Variants in FLACC1 observed in about 807,000 individuals in gnomAD.
The protein encoded by FLACC1 is flagellum-associated coiled-coil domain-containing protein 1.
Under a neutral mutation model 62.8 loss-of-function variants are expected in FLACC1, and 66 were observed. The ratio of observed to expected loss-of-function variants is 1.05; its 90% confidence interval spans 0.86 to 1.29. FLACC1 has a LOEUF of 1.29. Ranked by LOEUF, FLACC1 falls within the 50% of genes most tolerant of loss-of-function variation. The probability of loss-of-function intolerance (pLI) is 0.00; values close to 1 mark genes in which losing one functional copy is unlikely to be tolerated. For synonymous variants in FLACC1, 156 were observed against 161.0 expected (o/e 0.97, Z 0.24); for missense variants, 452 against 489.1 (o/e 0.92, Z 0.71).
chr2:201,362,329 AC>A (rs1156400446), upstream of FLACC1, among the ~76,000 whole-genome samples: 1 of 152,060 alleles, frequency 6.6e-6, no homozygotes, highest in African/African-American at 2.4e-5. Context: ...TTTTAAAAAA[AC>A]AGTTTCTTTT....
At chr2:201,304,828 G>T (rs1055873791) in intron 11 of FLACC1, among the ~76,000 whole-genome samples, 10 of 152,156 alleles carry the variant, frequency 6.6e-5, no homozygotes, top group Middle Eastern at 3.2e-3. Flanking sequence ...AACAAGAAAT[G>T]GGGAAAGTAC....
intron 6 of FLACC1, among the ~76,000 whole-genome samples, chr2:201,343,247 ATG>A (rs1159944853): frequency 6.6e-6 from 1 of 152,174 alleles, no homozygotes; most frequent in African/African-American, 2.4e-5. Context: ...GTCTCTAAAT[ATG>A]TCTTCAGCAG....
rs1951022189 is a variant in FLACC1 at position 201,351,283 on chromosome 2, A to T, written c.113+9T>A. The T allele has an allele frequency of 1.3e-6, 2 of 1,597,322 alleles. No individual in the cohort carries two copies. The highest frequency in any genetic ancestry group is 1.1e-5 in the South Asian group (1 of 90,684). On this transcript the variant is annotated intron_variant, in intron 2 of 14. Coordinates refer to ENST00000392257, the MANE Select transcript of FLACC1 (RefSeq NM_001127391.3). The stretch of plus-strand genomic sequence containing the variant: ...TCCCTGTGCCTACCCCATCCCAGAT[A>T]ATTCTTACTTGGAACTCCCTGTGGA...
chr2:201,319,698 G>C (rs1950367426), intron 9 of FLACC1, among the ~76,000 whole-genome samples: 1 of 152,190 alleles, frequency 6.6e-6, no homozygotes, highest in African/African-American at 2.4e-5. Flanking sequence ...GTGGGCAAAA[G>C]ACATGAACAG....
At chr2:201,307,651 T>A in intron 10 of FLACC1, 29 bp from the exon 11 acceptor site, 1 of 1,486,014 alleles carries the variant, frequency 6.7e-7, no homozygotes, top group Non-Finnish European at 9.4e-7. Flanking sequence ...AGCACATATA[T>A]GTGTAAAGAT....
intron 11 of FLACC1, 65 bp from the exon 12 acceptor site, chr2:201,299,365 G>A (rs377614873): frequency 5.3e-6 from 7 of 1,321,512 alleles, no homozygotes; most frequent in Admixed American, 1.8e-5. Context: ...AGGGAGTTAA[G>A]AAAGCCAGAC....
In FLACC1 at chr2:201,288,661, T is replaced by G; in HGVS notation, c.1263A>C (p.Glu421Asp). 1 of 1,613,834 alleles carries G rather than the reference T, an allele frequency of 6.2e-7. No individual in the cohort carries two copies. The highest frequency in any genetic ancestry group is 8.5e-7 in the Non-Finnish European group (1 of 1,179,862). ...ATGCAGAGCAACTTTTTGTTTATGATTCTTGTCCTTTCTTGCTACCATCTT... is the reference window on the plus strand; with the variant it reads ...ATGCAGAGCAACTTTTTGTTTATGAGTCTTGTCCTTTCTTGCTACCATCTT... ...TVQDGSKKGQ[E>D]S Residue 421 changes from glutamate to aspartate, a missense_variant, in exon 15 of 15, where the codon GAA (glutamate) becomes GAC (aspartate). Physicochemically the swap from Glu to Asp is conservative, Grantham distance 45. This residue lies in a region of FLACC1 where 301 missense variants were observed against 318.4 expected (regional missense o/e 0.95). Coordinates refer to ENST00000392257, the MANE Select transcript of FLACC1 (RefSeq NM_001127391.3).
At chr2:201,309,083 C>A in intron 10 of FLACC1, 68 bp downstream of exon 10, 1 of 1,405,774 alleles carries the variant, frequency 7.1e-7, no homozygotes, top group South Asian at 1.2e-5. Context: ...TTCCTCAAGT[C>A]AAGACCAAAC....
At chr2:201,313,323 A>C (rs924775293) in intron 9 of FLACC1, among the ~76,000 whole-genome samples, 5 of 152,168 alleles carry the variant, frequency 3.3e-5, no homozygotes, top group Middle Eastern at 3.2e-3. Context: ...GCAAGTTCTC[A>C]GTCCTGTTTG....
At chr2:201,317,333 T>C (rs559022931) in intron 9 of FLACC1, among the ~76,000 whole-genome samples, 24 of 152,280 alleles carry the variant, frequency 1.6e-4, no homozygotes, top group South Asian at 4.1e-4. Context: ...CTAGAACTGA[T>C]AAAAGAATTC....
intron 3 of FLACC1, among the ~76,000 whole-genome samples, chr2:201,348,626 C>T (rs1950964707): frequency 6.6e-6 from 1 of 151,944 alleles, no homozygotes; most frequent in South Asian, 2.1e-4. Context: ...CAGGTGACAC[C>T]CCCCACCACC....
chr2:201,295,886 T>C, intron 12 of FLACC1, among the ~76,000 whole-genome samples: 1 of 152,176 alleles, frequency 6.6e-6, no homozygotes, highest in East Asian at 1.9e-4. Context: ...AGAAGACATT[T>C]ATGCAGCCAA....
intron 10 of FLACC1, 144 bp downstream of exon 10, chr2:201,309,007 C>T (rs1225167205): frequency 4.3e-6 from 3 of 694,036 alleles, no homozygotes; most frequent in Admixed American, 4.9e-5. Flanking sequence ...TTCATGAAAA[C>T]TCTGGGCACC....
Position 201,346,591 on chromosome 2 carries a change from T to G in FLACC1, c.319A>C (p.Arg107=). The change falls in exon 5 of 15, where the codon AGG becomes CGG. Residue 107 remains arginine, a synonymous_variant. Coordinates refer to ENST00000392257, the MANE Select transcript of FLACC1 (RefSeq NM_001127391.3). The surrounding 1 kb of genome is among the most constrained non-coding windows in gnomAD (Gnocchi z 4.0). ...ATCTCCGATTCCCACCGCTTTTTCCTATCAAACATCTCATCCCCTAAGGTG... is the reference window on the plus strand; with the variant it reads ...ATCTCCGATTCCCACCGCTTTTTCCGATCAAACATCTCATCCCCTAAGGTG... The part of the protein sequence containing the change: ...SVTLGDEMFD[R]KKRWESEIPD... 1 of 1,614,214 alleles carries G rather than the reference T, an allele frequency of 6.2e-7. No homozygotes were observed.
intron 12 of FLACC1, among the ~76,000 whole-genome samples, chr2:201,298,042 A>T (rs1185221253): frequency 6.6e-6 from 1 of 152,170 alleles, no homozygotes; most frequent in Admixed American, 6.6e-5. Context: ...GGAGTGATGT[A>T]GGGAAGAAAT....
In FLACC1 at chr2:201,330,357, T is replaced by G. The variant is rs1950567934; in HGVS notation, c.675+113A>C. The G allele has an allele frequency of 8.5e-6, 9 of 1,062,538 alleles. No individual in the cohort carries two copies. The South Asian group carries it at 1.0e-4, about 12-fold the overall frequency. The allele number at this position is 1,062,538 out of a possible 1,614,324, so 65.8% of individuals were successfully genotyped here. On this transcript the variant is annotated intron_variant, in intron 9 of 14. Coordinates refer to ENST00000392257, the MANE Select transcript of FLACC1 (RefSeq NM_001127391.3). The stretch of plus-strand genomic sequence containing the variant: ...AGCTAGTGCCACTTAGGTCTAAGGA[T>G]GCTGGGAATCTCAGGACATTATTTT...
intron 1 of FLACC1, 53 bp from the exon 2 acceptor site, chr2:201,351,504 A>C (rs1046118538): frequency 5.8e-6 from 5 of 855,524 alleles, no homozygotes; most frequent in Non-Finnish European, 9.3e-6. Flanking sequence ...TCAAAGCAAA[A>C]ATACAGAAGA....
chr2:201,344,196 T>G lies in FLACC1; in HGVS notation c.436A>C (p.Arg146=), dbSNP rs1331114178. The change falls in exon 6 of 15, where the codon AGA becomes CGA. Residue 146 remains arginine (R), a synonymous_variant. Transcript: ENST00000392257. ...AATTTCTGGGCAGACTGGTGGTCTC[T>G]GTTCATTTGTTCAATTATTGCTGTC... is the stretch of plus-strand genomic sequence containing the variant. ...ELTAIIEQMN[R]DHQSAQKLLS... 1 of 1,613,648 alleles carries G rather than the reference T, an allele frequency of 6.2e-7. No individual in the cohort carries two copies. The highest frequency in any genetic ancestry group is 8.5e-7 in the Non-Finnish European group (1 of 1,179,718).
chr2:201,304,933 C>T (rs1950070364), intron 11 of FLACC1, among the ~76,000 whole-genome samples: 1 of 152,132 alleles, frequency 6.6e-6, no homozygotes, highest in Non-Finnish European at 1.5e-5. Flanking sequence ...AAAATTAATT[C>T]AAGATGGATT....
Sources: gnomAD v4.1 joint callset for allele counts (sites outside exome capture counted in the v4.1 genomes callset) on GRCh38, gnomAD v4.1.1 for gene constraint, gnomAD v4.1.1 regional missense constraint, Gnocchi (gnomAD v3.1) non-coding constraint, MANE v1.5 for transcripts, NCBI Gene and HGNC (gene_info 2026-07-23, HGNC 2026-07-21) for gene names.